Variants in TUSC3 observed in about 807,000 individuals in gnomAD.
TUSC3 encodes tumor suppressor candidate 3, also known as dolichyl-diphosphooligosaccharide--protein glycosyltransferase subunit TUSC3.
Under a neutral mutation model 44.8 loss-of-function variants are expected in TUSC3, and 45 were observed. The observed-to-expected ratio is 1.00, with a 90% CI of 0.79 to 1.29. The LOEUF (loss-of-function observed/expected upper bound fraction) is 1.29, where lower values mean the gene tolerates loss of function less well. Ranked by LOEUF, TUSC3 falls within the 50% of genes most tolerant of loss-of-function variation. The pLI, the probability that TUSC3 is intolerant of heterozygous loss-of-function variation, is 0.00. For synonymous variants in TUSC3, 212 were observed against 152.9 expected (o/e 1.39, Z -2.85); for missense variants, 519 against 437.9 (o/e 1.19, Z -1.65).
At chr8:15,456,496 C>T (rs190730102) in intron 1 of TUSC3, among the ~76,000 whole-genome samples, 8 of 152,128 alleles carry the variant, frequency 5.3e-5, no homozygotes, top group Non-Finnish European at 8.8e-5. Flanking sequence ...AGGGCTTCCA[C>T]GATCAGTGAC....
At chr8:15,661,669 A>C (rs959932975) in intron 4 of TUSC3, among the ~76,000 whole-genome samples, 3 of 151,972 alleles carry the variant, frequency 2.0e-5, no homozygotes, top group Non-Finnish European at 4.4e-5. Flanking sequence ...GTCTATGTGG[A>C]TATAGTAAGT....
At chr8:15,422,471 A>G (rs2129115318) in intron 1 of TUSC3, among the ~76,000 whole-genome samples, 1 of 152,266 alleles carries the variant, frequency 6.6e-6, no homozygotes, top group South Asian at 2.1e-4. Context: ...AGGATGCAAA[A>G]TATTAGTTAG....
chr8:15,826,655 T>C, the TUSC3 span, among the ~76,000 whole-genome samples: 2 of 152,132 alleles, frequency 1.3e-5, no homozygotes, highest in African/African-American at 2.4e-5. Context: ...AAGAAGCGAA[T>C]GCTATTTATT....
intron 6 of TUSC3, among the ~76,000 whole-genome samples, chr8:15,718,493 A>T (rs888393859): frequency 6.6e-6 from 1 of 152,162 alleles, no homozygotes; most frequent in Non-Finnish European, 1.5e-5. Flanking sequence ...AATGTAGTCA[A>T]CCAGTAGTTA....
intron 2 of TUSC3, among the ~76,000 whole-genome samples, chr8:15,504,610 TATATATA>T (rs1163712546): frequency 4.8e-4 from 15 of 31,204 alleles, no homozygotes; most frequent in East Asian, 3.1e-3. Context: ...TATATATATA[TATATATA>T]TATATTTTTT....
rs1399345719 is a variant in TUSC3 at position 15,540,554 on chromosome 8, C to T, written c.124C>T (p.Gln42Ter). The change falls in exon 1 of 11, where the codon CAG becomes TAG. Residue 42 changes from glutamine to a stop codon, truncating the protein, a stop_gained. Transcript: ENST00000503731. LOFTEE classifies it high-confidence loss of function. ...GCTCTGCATCCAGCTCGGGGGAGGA[C>T]AGAAGAAAAAGGAGGTAGAATGGAT... ...LLLCIQLGGGQKKKENLLAEK... is the reference protein window; with the variant it reads ...LLLCIQLGGG 6.3e-7 allele frequency: 1 copy of T among 1,592,648 alleles called. No individual in the cohort carries two copies. The highest frequency in any genetic ancestry group is 8.5e-7 in the Non-Finnish European group (1 of 1,170,314).
rs376893327 is a variant in TUSC3 at position 15,459,004 on chromosome 8, A to G, written n.92-24382A>G. Among the ~76,000 whole-genome samples the G allele has an allele frequency of 2.6e-5, 4 of 152,344 alleles. No individual in the cohort carries two copies. In the East Asian group the frequency reaches 7.7e-4, roughly 29 times the overall value. On this transcript the variant is annotated intron_variant and non_coding_transcript_variant, in intron 1 of 5. Transcript: ENST00000503191. ...AATAGACCAGGTTCATTTTTATTAA[A>G]GACCTGTTGAGATAGTTAACCCCCT...
At chr8:15,438,043 T>C (rs1030454101) in intron 1 of TUSC3, among the ~76,000 whole-genome samples, 1 of 152,236 alleles carries the variant, frequency 6.6e-6, no homozygotes, top group African/African-American at 2.4e-5. Context: ...AATATCAGTT[T>C]CCTCACCTGT....
At position 15,647,260 on chromosome 8, in the gene TUSC3, T is replaced by C. The variant is rs62502088; in HGVS notation, c.309-3437T>C. Among the ~76,000 whole-genome samples the C allele has an allele frequency of 7.2e-3, 1,089 of 152,278 alleles. 7 individuals are homozygous for C. Among genetic ancestry groups the C allele is most frequent in the Non-Finnish European group, 0.011 (754 of 67,982 alleles). The stretch of plus-strand genomic sequence containing the variant: ...TAGGTTATCATTATGATTCCTTTTC[T>C]ACAGTGCCATTGTTGATAACCCCTG... On this transcript the variant is annotated intron_variant, in intron 2 of 10. Coordinates refer to ENST00000503731, the MANE Select transcript of TUSC3 (RefSeq NM_006765.4).
chr8:15,458,577 AAGC>A (rs1375548801), intron 1 of TUSC3, among the ~76,000 whole-genome samples: 1 of 152,174 alleles, frequency 6.6e-6, no homozygotes, highest in African/African-American at 2.4e-5. Context: ...TGTTAAATAA[AAGC>A]AGGCTATGTA....
chr8:15,680,074 G>A (rs1473878441), intron 6 of TUSC3, among the ~76,000 whole-genome samples: 1 of 150,990 alleles, frequency 6.6e-6, no homozygotes, highest in Admixed American at 6.6e-5. Context: ...TTCTCTGTTT[G>A]GGTTCCACAT....
At chr8:15,621,522 AT>A (rs1563138314) in intron 1 of TUSC3, among the ~76,000 whole-genome samples, 1 of 85,652 alleles carries the variant, frequency 1.2e-5, no homozygotes, top group East Asian at 2.5e-4. Flanking sequence ...TATGTAAAAT[AT>A]ATATATATAT....
intron 5 of TUSC3, among the ~76,000 whole-genome samples, chr8:15,669,267 G>C (rs1255724845): frequency 2.0e-5 from 3 of 151,724 alleles, no homozygotes; most frequent in Non-Finnish European, 4.4e-5. Context: ...TGAAACAATT[G>C]AATCCAACAT....
At position 15,521,961 on chromosome 8, in the gene TUSC3, C is replaced by T. The variant is rs186281418; in HGVS notation, n.189+38478C>T. ...AAACCACAATTACTTTTGCAGCAAA[C>T]GAATAGCTGCTCTTCTAGGTAACTC... On this transcript the variant is annotated intron_variant and non_coding_transcript_variant, in intron 2 of 5. Coordinates refer to the TUSC3 transcript ENST00000503191. Among the ~76,000 whole-genome samples the T allele has an allele frequency of 3.1e-3, 477 of 152,260 alleles. 3 individuals are homozygous for T. Among genetic ancestry groups the T allele is most frequent in the Non-Finnish European group, 4.7e-3 (323 of 68,018 alleles).
intron 1 of TUSC3, among the ~76,000 whole-genome samples, chr8:15,611,015 A>T (rs1439406245): frequency 6.6e-6 from 1 of 152,202 alleles, no homozygotes; most frequent in Non-Finnish European, 1.5e-5. Flanking sequence ...TTTTCAAAAA[A>T]AGTGTGATAT....
intron 1 of TUSC3, among the ~76,000 whole-genome samples, chr8:15,576,541 T>G (rs2129145079): frequency 7.0e-6 from 1 of 143,044 alleles, no homozygotes; most frequent in South Asian, 2.3e-4. Flanking sequence ...AGTCCCCACC[T>G]ATGAGTGAGA....
rs574677291 is a variant in TUSC3, at chr8:15,652,781, A to G, written c.426+1967A>G. 2.6e-4 allele frequency among the ~76,000 whole-genome samples: 39 copies of G among 152,294 alleles called. No individual in the cohort carries two copies. The South Asian group carries it at 7.7e-3, about 30-fold the overall frequency. ...AATCCTCTCTATCATATTGGCAAAC[A>G]GTCTTCTAGATCCAACAAGACTGCT... is the stretch of plus-strand genomic sequence containing the variant. On this transcript the variant is annotated intron_variant, in intron 3 of 10. Transcript: ENST00000503731.
At chr8:15,433,240 A>G (rs1184856181) in intron 1 of TUSC3, among the ~76,000 whole-genome samples, 1 of 152,138 alleles carries the variant, frequency 6.6e-6, no homozygotes, top group East Asian at 1.9e-4. Context: ...GTATTCCCCC[A>G]TATATTTAAA....
At chr8:15,811,645 T>C in the TUSC3 span, among the ~76,000 whole-genome samples, 1 of 152,194 alleles carries the variant, frequency 6.6e-6, no homozygotes, top group African/African-American at 2.4e-5. Flanking sequence ...CAGGTGAATA[T>C]CAAAATTGAC....
Sources: allele counts gnomAD v4.1 joint callset (sites outside exome capture counted in the v4.1 genomes callset), GRCh38; gene constraint gnomAD v4.1.1; transcripts MANE v1.5; gene names NCBI Gene and HGNC (gene_info 2026-07-23, HGNC 2026-07-21).